PARG: variants seen among roughly 807,000 people sequenced by gnomAD.
PARG encodes the protein poly(ADP-ribose) glycohydrolase.
A neutral mutation model predicts 113.0 loss-of-function variants in PARG; 35 were observed. The ratio of observed to expected loss-of-function variants is 0.31; its 90% confidence interval spans 0.24 to 0.41. The LOEUF (loss-of-function observed/expected upper bound fraction) is 0.41, where lower values mean the gene tolerates loss of function less well. Ranked by LOEUF, PARG falls within the 10% of genes least tolerant of loss-of-function variation. The pLI is 1.00. For synonymous variants in PARG, 330 were observed against 409.9 expected (o/e 0.81, Z 2.36); for missense variants, 797 against 1,169.4 (o/e 0.68, Z 4.64).
rs1838577901 is a variant in PARG at position 49,933,287 on chromosome 10, A to C, written c.1161T>G (p.Pro387=). ...TGMNDLNAKL[P]GNISSLNVEC... ...CTACATTCAGGCTAGAAATATTTCC[A>C]GGTAGTTTAGCATTTAAATCATTCA... Residue 387 remains proline, a synonymous_variant, in exon 3 of 18, where the codon CCT becomes CCG. Transcript: ENST00000616448. The C allele has an allele frequency of 1.9e-5, 31 of 1,606,318 alleles. No individual in the cohort carries two copies. Among genetic ancestry groups the C allele is most frequent in the Non-Finnish European group, 2.6e-5 (31 of 1,174,554 alleles).
intron 15 of PARG, among the ~76,000 whole-genome samples, chr10:49,836,566 TTTAA>T (rs1366896679): frequency 5.3e-5 from 8 of 152,184 alleles, no homozygotes; most frequent in Non-Finnish European, 1.2e-4. Flanking sequence ...GGGTTATGTA[TTTAA>T]TTGTTATTCT....
intron 7 of PARG, chr10:49,909,998 AAG>A (rs1224883974): frequency 6.6e-6 from 1 of 152,208 alleles, no homozygotes; most frequent in Non-Finnish European, 1.5e-5. Context: ...GAAAAAAAAA[AAG>A]TAAAAAAAAA....
At chr10:49,845,146 A>G (rs1554833125) in intron 13 of PARG, among the ~76,000 whole-genome samples, 2 of 152,358 alleles carry the variant, frequency 1.3e-5, no homozygotes, top group African/African-American at 4.8e-5. Context: ...ACAAGTGGAA[A>G]TCTCATTTTA....
chr10:49,931,483 A>G lies in PARG; in HGVS notation c.1455+617T>C, dbSNP rs1554909720. Among the ~76,000 whole-genome samples, 14 of 152,122 alleles carry G rather than the reference A, an allele frequency of 9.2e-5. 1 individual carries two copies. Among genetic ancestry groups the G allele is most frequent in the East Asian group, 7.7e-4 (4 of 5,170 alleles). ...GGATCAGCTGGCACCACCCAGATGG[A>G]TAAACTGGCTCATCTGATCTTGTCC... On this transcript the variant is annotated intron_variant, in intron 4 of 17. Coordinates refer to ENST00000616448, the MANE Select transcript of PARG (RefSeq NM_003631.5).
chr10:49,933,852 G>T lies in PARG; in HGVS notation c.596C>A (p.Thr199Lys). Residue 199 changes from threonine to lysine, a missense_variant, in exon 3 of 18, where the codon ACA (threonine) becomes AAA (lysine). By Grantham distance (78) the Thr-to-Lys change is moderately conservative. Coordinates refer to ENST00000616448, the MANE Select transcript of PARG (RefSeq NM_003631.5). ...ATTGTCTCTATTCTCTTCACTATCT[G>T]TGTCACTGTGATCATCATTTTGAGG... ...RSPQNDDHSD[T>K]DSEENRDNQQ... The T allele has an allele frequency of 6.3e-7, 1 of 1,595,530 alleles. No homozygotes were observed. Among genetic ancestry groups the T allele is most frequent in the Non-Finnish European group, 8.6e-7 (1 of 1,163,044 alleles).
At position 49,870,008 on chromosome 10, in the gene PARG, C is replaced by T. The variant is rs2664615; in HGVS notation, c.1989-453G>A. On this transcript the variant is annotated intron_variant, in intron 9 of 17. Transcript: ENST00000616448. ...AAATGAGAGTGGAGGGGAATGGGGG[C>T]AGGGACACAGGCAGGTATAACAAGA... Among the ~76,000 whole-genome samples the T allele has an allele frequency of 1.0e-3, 154 of 152,230 alleles. 3 individuals are homozygous for T. The South Asian group carries it at 0.028, about 28-fold the overall frequency.
rs1843958923 is a variant in PARG at position 49,819,446 on chromosome 10, T to C, written c.2825A>G (p.Asn942Ser). Residue 942 changes from asparagine (N) to serine (S), a missense_variant, in exon 18 of 18, where the codon AAC becomes AGC. By Grantham distance (46) the Asn-to-Ser change is conservative. Transcript: ENST00000616448. ...GATGTCTGGTCCAGGGGTGGAACAG[T>C]TTCTGCATTCTTCATTGTAGTATCG... ...LLRYYNEECR[N>S]CSTPGPDIKL... 1 of 1,551,224 alleles carries C rather than the reference T, an allele frequency of 6.4e-7. No homozygotes were observed.
At chr10:49,889,823 A>T (rs1554841140) in intron 7 of PARG, among the ~76,000 whole-genome samples, 2 of 152,188 alleles carry the variant, frequency 1.3e-5, no homozygotes, top group Admixed American at 1.3e-4. Context: ...ATTGCACTGT[A>T]CTTCTTCACA....
chr10:49,844,760 C>T (rs1238484071), intron 13 of PARG, among the ~76,000 whole-genome samples: 3 of 151,470 alleles, frequency 2.0e-5, no homozygotes, highest in African/African-American at 4.8e-5. Flanking sequence ...AAAACAAAAA[C>T]AAAAACAAAA....
chr10:49,901,977 T>C (rs1223602595), intron 7 of PARG, among the ~76,000 whole-genome samples: 1 of 152,186 alleles, frequency 6.6e-6, no homozygotes, highest in African/African-American at 2.4e-5. Context: ...CATGTGGCAT[T>C]TGAAATGTGG....
chr10:49,918,961 T>C (rs1483885790), intron 6 of PARG, among the ~76,000 whole-genome samples: 2 of 152,070 alleles, frequency 1.3e-5, no homozygotes, highest in Non-Finnish European at 2.9e-5. Context: ...TCTTCAAATA[T>C]GGAGTTTCGC....
intron 9 of PARG, among the ~76,000 whole-genome samples, chr10:49,879,053 A>G (rs1847093197): frequency 6.6e-6 from 1 of 152,220 alleles, no homozygotes; most frequent in Non-Finnish European, 1.5e-5. Flanking sequence ...AAATGGCTGG[A>G]ATCTAGAACT....
At chr10:49,916,221 A>G (rs1364881637) in intron 6 of PARG, among the ~76,000 whole-genome samples, 1 of 152,310 alleles carries the variant, frequency 6.6e-6, no homozygotes. Context: ...AATAGGTGAA[A>G]AAACACAATT....
intron 11 of PARG, among the ~76,000 whole-genome samples, chr10:49,864,190 C>T (rs1356391501): frequency 2.0e-5 from 3 of 152,048 alleles, no homozygotes; most frequent in East Asian, 1.9e-4. Flanking sequence ...TTTTAGCAGG[C>T]GGCCGGGGTT....
intron 9 of PARG, among the ~76,000 whole-genome samples, chr10:49,874,833 G>A (rs1378055357): frequency 2.9e-5 from 4 of 137,238 alleles, no homozygotes; most frequent in African/African-American, 7.9e-5. Flanking sequence ...CAGCCTGGTC[G>A]ACAGAGCGAG....
intron 6 of PARG, among the ~76,000 whole-genome samples, chr10:49,920,102 T>TA (rs1463979084): frequency 8.6e-5 from 13 of 151,274 alleles, no homozygotes; most frequent in African/African-American, 2.9e-4. Flanking sequence ...CCTGAAATTT[T>TA]AAAAAAAATC....
rs1478023187 is a variant in PARG, at chr10:49,917,437, C to A, written c.1663-1446G>T. 2.1e-5 allele frequency among the ~76,000 whole-genome samples: 3 copies of A among 144,476 alleles called. 1 individual carries two copies. In the Middle Eastern group the frequency reaches 0.011, roughly 523 times the overall value. 94.8% of individuals were successfully genotyped at this position (144,476 alleles called of 152,430 possible). A position where few individuals can be genotyped will look rare whatever the true frequency, so the allele number is the denominator to read the frequency against. On this transcript the variant is annotated intron_variant, in intron 6 of 17. Coordinates refer to ENST00000616448, the MANE Select transcript of PARG (RefSeq NM_003631.5). The stretch of plus-strand genomic sequence containing the variant: ...CAGGGAGTCAGATGTTGCAGTGAGC[C>A]GAGGTCGTGCCACTGCACTCCAGCC...
At chr10:49,834,738 G>T (rs1554830822) in intron 15 of PARG, among the ~76,000 whole-genome samples, 2 of 152,004 alleles carry the variant, frequency 1.3e-5, no homozygotes, top group Non-Finnish European at 2.9e-5. Context: ...TACTTGGGAG[G>T]CTGAGGTGGG....
intron 4 of PARG, among the ~76,000 whole-genome samples, chr10:49,929,317 T>C (rs1838371661): frequency 6.6e-6 from 1 of 151,226 alleles, no homozygotes; most frequent in Non-Finnish European, 1.5e-5. Flanking sequence ...TAATTTTACA[T>C]GCATTATCAA....
Sources: allele counts gnomAD v4.1 joint callset (sites outside exome capture counted in the v4.1 genomes callset), GRCh38; gene constraint gnomAD v4.1.1; transcripts MANE v1.5; gene names NCBI Gene and HGNC (gene_info 2026-07-23, HGNC 2026-07-21).